Variants in FER observed in about 807,000 individuals in gnomAD.
FER encodes FER tyrosine kinase, also known as tyrosine-protein kinase Fer.
Under a neutral mutation model 111.0 loss-of-function variants are expected in FER, and 63 were observed. The observed-to-expected ratio is 0.57, with a 90% CI of 0.46 to 0.70. The LOEUF (loss-of-function observed/expected upper bound fraction) is 0.70. FER is among the 30% of genes least tolerant of loss of function. FER has a pLI of 0.00. For missense variants in FER, 914 were observed against 954.0 expected (o/e 0.96, Z 0.55); for synonymous variants, 327 against 313.9 (o/e 1.04, Z -0.44).
intron 13 of FER, among the ~76,000 whole-genome samples, chr5:109,006,364 G>A (rs891327845): frequency 1.3e-5 from 2 of 152,246 alleles, no homozygotes; most frequent in South Asian, 4.1e-4. Flanking sequence ...TAAGTCTCAC[G>A]AGAGCTGGTC....
At chr5:108,966,384 TTTTC>T (rs1759825205) in intron 13 of FER, among the ~76,000 whole-genome samples, 1 of 140,156 alleles carries the variant, frequency 7.1e-6, no homozygotes, top group Non-Finnish European at 1.5e-5. Context: ...TTCCTTTTTC[TTTTC>T]TTTTTTTTTT....
chr5:108,869,361 A>C (rs377236072), intron 6 of FER, among the ~76,000 whole-genome samples: 1 of 151,912 alleles, frequency 6.6e-6, no homozygotes, highest in South Asian at 2.1e-4. Flanking sequence ...CTAACCCTGC[A>C]CTCTCCGTGA....
At chr5:108,836,135 A>G (rs369174880) in intron 5 of FER, among the ~76,000 whole-genome samples, 3 of 152,196 alleles carry the variant, frequency 2.0e-5, no homozygotes, top group South Asian at 4.1e-4. Flanking sequence ...AAATAGGAGT[A>G]TATTTATTTA....
chr5:108,874,522 A>T (rs572158898), intron 8 of FER, among the ~76,000 whole-genome samples: 77 of 152,230 alleles, frequency 5.1e-4, no homozygotes, highest in Admixed American at 2.0e-3. Flanking sequence ...GTTATTCAGC[A>T]TCTCTGTTGG....
At chr5:109,069,127 A>G (rs890987699) in intron 16 of FER, among the ~76,000 whole-genome samples, 3 of 152,186 alleles carry the variant, frequency 2.0e-5, no homozygotes, top group Non-Finnish European at 4.4e-5. Flanking sequence ...GATATTTGCA[A>G]ATATTAAACC....
intron 5 of FER, chr5:108,841,848 G>A: frequency 2.3e-6 from 1 of 427,066 alleles, no homozygotes; most frequent in Non-Finnish European, 4.6e-6. Flanking sequence ...GTGATGGATG[G>A]TTGTGGGAAT....
At chr5:109,049,784 C>T (rs949718916) in intron 16 of FER, among the ~76,000 whole-genome samples, 13 of 152,100 alleles carry the variant, frequency 8.5e-5, no homozygotes, top group Non-Finnish European at 1.5e-4. Flanking sequence ...TTTCACCAGT[C>T]GTCTGTGATG....
intron 5 of FER, among the ~76,000 whole-genome samples, chr5:108,852,329 A>T (rs1762614675): frequency 6.6e-6 from 1 of 152,206 alleles, no homozygotes; most frequent in Non-Finnish European, 1.5e-5. Context: ...TATGAAAACC[A>T]GTTTGAAATG....
chr5:108,983,023 T>C (rs913458057), intron 13 of FER, among the ~76,000 whole-genome samples: 7 of 152,076 alleles, frequency 4.6e-5, no homozygotes, highest in African/African-American at 1.7e-4. Context: ...GTAAACCCCA[T>C]GATGGCAAAG....
At chr5:109,028,754 G>A (rs550066166) in intron 13 of FER, among the ~76,000 whole-genome samples, 95 of 152,316 alleles carry the variant, frequency 6.2e-4, no homozygotes, top group African/African-American at 2.2e-3. Context: ...TAGGTCAAAA[G>A]AGGCTTTCTT....
At chr5:109,039,457 TAATA>T (rs1237670617) in intron 14 of FER, among the ~76,000 whole-genome samples, 4 of 152,142 alleles carry the variant, frequency 2.6e-5, no homozygotes, top group African/African-American at 7.2e-5. Flanking sequence ...ACAATAAGCA[TAATA>T]AATAGGTAAA....
chr5:108,830,011 A>G (rs1260014810), intron 3 of FER, among the ~76,000 whole-genome samples: 1 of 152,206 alleles, frequency 6.6e-6, no homozygotes, highest in Non-Finnish European at 1.5e-5. Context: ...AGAGGTAGAA[A>G]CTTTCAGGAA....
intron 17 of FER, among the ~76,000 whole-genome samples, chr5:109,172,489 T>TGGGAGGA (rs1554158338): frequency 3.4e-5 from 1 of 29,530 alleles, no homozygotes; most frequent in African/African-American, 1.4e-4. Flanking sequence ...TGTTGTGGGG[T>TGGGAGGA]GGGGGGAGGG....
At chr5:109,173,723 G>C (rs2126812642) in intron 17 of FER, among the ~76,000 whole-genome samples, 1 of 150,990 alleles carries the variant, frequency 6.6e-6, no homozygotes, top group Non-Finnish European at 1.5e-5. Flanking sequence ...AATAATTTCT[G>C]CTAAAATATG....
chr5:108,961,790 G>T (rs773210973), intron 13 of FER, among the ~76,000 whole-genome samples: 1 of 152,052 alleles, frequency 6.6e-6, no homozygotes. Flanking sequence ...TTGTTATGGT[G>T]GTAGTATCTG....
At chr5:108,829,029 A>G (rs543012093) in intron 3 of FER, among the ~76,000 whole-genome samples, 1 of 152,356 alleles carries the variant, frequency 6.6e-6, no homozygotes, top group South Asian at 2.1e-4. Context: ...CCAAAGAGCT[A>G]TATCTGCAAC....
intron 13 of FER, among the ~76,000 whole-genome samples, chr5:108,961,865 G>A (rs186628940): frequency 2.0e-3 from 298 of 152,214 alleles, no homozygotes; most frequent in African/African-American, 6.9e-3. Flanking sequence ...TTTAATTTGT[G>A]TGAAAAGTAA....
chr5:109,004,127 A>C (rs1765192014), intron 13 of FER, among the ~76,000 whole-genome samples: 1 of 152,208 alleles, frequency 6.6e-6, no homozygotes, highest in Non-Finnish European at 1.5e-5. Flanking sequence ...AAATCCCTAC[A>C]ACTTTTCTGA....
At chr5:109,060,582 G>T (rs1002199384) in intron 16 of FER, among the ~76,000 whole-genome samples, 1 of 152,108 alleles carries the variant, frequency 6.6e-6, no homozygotes, top group Admixed American at 6.5e-5. Flanking sequence ...TACTCAGAAG[G>T]CTGAGGCAGA....
Sources: gnomAD v4.1 joint callset for allele counts (sites outside exome capture counted in the v4.1 genomes callset) on GRCh38, gnomAD v4.1.1 for gene constraint, MANE v1.5 for transcripts, NCBI Gene and HGNC (gene_info 2026-07-23, HGNC 2026-07-21) for gene names.